Variants in LCK observed in about 807,000 individuals in gnomAD.
LCK encodes LCK proto-oncogene, Src family tyrosine kinase.
In LCK, 14 loss-of-function variants were observed where a neutral mutation model predicts 64.6. The ratio of observed to expected loss-of-function variants is 0.22; its 90% CI spans 0.14 to 0.34. LCK has a LOEUF of 0.34. LCK is among the 10% of genes least tolerant of loss of function. LCK has a pLI of 1.00. For missense variants in LCK, 434 were observed against 668.1 expected (o/e 0.65, Z 3.86); for synonymous variants, 277 against 263.6 (o/e 1.05, Z -0.49).
intron 1 of LCK, among the ~76,000 whole-genome samples, chr1:32,270,792 C>T (rs1206190622): frequency 6.7e-6 from 1 of 148,590 alleles, no homozygotes; most frequent in Non-Finnish European, 1.5e-5. Flanking sequence ...CAACCTCTAC[C>T]TCCTGGGTTT....
chr1:32,276,868 C>G lies in LCK; in HGVS notation c.964+82C>G. Reference sequence around the variant, plus strand: ...AGAGGGTGGAAATACACCTTTTCTTCTGGCCCAAAGCTCAAGCAAGGAGGG... The same window carrying G: ...AGAGGGTGGAAATACACCTTTTCTTGTGGCCCAAAGCTCAAGCAAGGAGGG... On this transcript the variant is annotated intron_variant, in intron 9 of 12. Coordinates refer to ENST00000336890, the MANE Select transcript of LCK (RefSeq NM_005356.5). The surrounding 1 kb of genome is among the most constrained non-coding windows in gnomAD (Gnocchi z 4.6). 1 of 1,356,546 alleles carries G rather than the reference C, an allele frequency of 7.4e-7. No homozygotes were observed. Among genetic ancestry groups the G allele is most frequent in the Non-Finnish European group, 9.8e-7 (1 of 1,018,718 alleles). 84.0% of individuals were successfully genotyped at this position (1,356,546 alleles called of 1,614,324 possible).
chr1:32,267,101 C>T (rs1417068867), intron 1 of LCK, among the ~76,000 whole-genome samples: 1 of 151,632 alleles, frequency 6.6e-6, no homozygotes, highest in African/African-American at 2.4e-5. Context: ...CTCAGCTTAT[C>T]TGAGACCAGT....
rs897667168 is a variant in LCK at position 32,263,680 on chromosome 1, G to A, written c.-5-10645G>A. ...TAATCCCAGCACTTTGGGAGGCCAA[G>A]GTGGCAGGTTACTTGAGCCCAGGAG... On this transcript the variant is annotated intron_variant, in intron 1 of 12. Coordinates refer to ENST00000336890, the MANE Select transcript of LCK (RefSeq NM_005356.5). Among the ~76,000 whole-genome samples, 6 of 152,178 alleles carry A rather than the reference G, an allele frequency of 3.9e-5. No homozygotes were observed. The East Asian group carries it at 1.2e-3, about 29-fold the overall frequency.
intron 12 of LCK, among the ~76,000 whole-genome samples, chr1:32,282,312 C>T (rs993510311): frequency 6.6e-6 from 1 of 152,126 alleles, no homozygotes; most frequent in African/African-American, 2.4e-5. Context: ...TGGCAACTGA[C>T]ATATAGCATT....
chr1:32,266,908 T>G (rs1423874211), intron 1 of LCK, among the ~76,000 whole-genome samples: 1 of 143,914 alleles, frequency 6.9e-6, no homozygotes, highest in African/African-American at 2.6e-5. Flanking sequence ...CTCAAACTTC[T>G]ACAATCTTTC....
At chr1:32,255,179 G>T (rs1302194835) in intron 1 of LCK, among the ~76,000 whole-genome samples, 2 of 152,056 alleles carry the variant, frequency 1.3e-5, no homozygotes, top group Non-Finnish European at 2.9e-5. Context: ...TCTGCAGGCT[G>T]GCAGACCGGG....
At chr1:32,284,894 G>C (rs1640568650) in intron 12 of LCK, among the ~76,000 whole-genome samples, 1 of 152,174 alleles carries the variant, frequency 6.6e-6, no homozygotes, top group Non-Finnish European at 1.5e-5. Flanking sequence ...TGAGGTGAAA[G>C]GATCACTTGA....
chr1:32,275,128 G>C lies in LCK; in HGVS notation c.278+45G>C. 1.9e-6 allele frequency: 3 copies of C among 1,556,816 alleles called. No homozygotes were observed. Among genetic ancestry groups the C allele is most frequent in the South Asian group, 1.2e-5 (1 of 86,690 alleles). On this transcript the variant is annotated intron_variant, in intron 4 of 12. Transcript: ENST00000336890. The surrounding 1 kb of genome is among the most constrained non-coding windows in gnomAD (Gnocchi z 6.9). ...GCTCTGGCGGAGTCCGTGAGGGAGCGGCGATCTCCGCGACCCGCAGCCCTC... is the reference window on the plus strand; with the variant it reads ...GCTCTGGCGGAGTCCGTGAGGGAGCCGCGATCTCCGCGACCCGCAGCCCTC...
chr1:32,260,525 T>C (rs749018234), intron 1 of LCK, among the ~76,000 whole-genome samples: 1 of 152,194 alleles, frequency 6.6e-6, no homozygotes, highest in Non-Finnish European at 1.5e-5. Flanking sequence ...TTCTTTTTTC[T>C]TTTTTACTTT....
chr1:32,273,301 T>C (rs1640162181), intron 1 of LCK, among the ~76,000 whole-genome samples: 1 of 148,060 alleles, frequency 6.8e-6, no homozygotes, highest in Non-Finnish European at 1.5e-5. Context: ...TATGTGAAAG[T>C]GTGTGTGTGT....
At chr1:32,257,958 C>T (rs952199382) in intron 1 of LCK, among the ~76,000 whole-genome samples, 85 of 150,594 alleles carry the variant, frequency 5.6e-4, no homozygotes, top group African/African-American at 1.8e-3. Context: ...TTTTTGTTCT[C>T]TCTGTGTCGA....
rs1569955125 is a variant in LCK, at chr1:32,275,803, C to T, written c.482-111C>T. ...ACGCGGGATGAGCCCGAGGTGGGGG[C>T]GCGGGATGACCCGGAGTTGGGGGTG... On this transcript the variant is annotated intron_variant, in intron 6 of 12. Coordinates refer to ENST00000336890, the MANE Select transcript of LCK (RefSeq NM_005356.5). The surrounding 1 kb of genome is among the most constrained non-coding windows in gnomAD (Gnocchi z 6.9). 1.4e-6 allele frequency: 2 copies of T among 1,404,506 alleles called. No homozygotes were observed. The highest frequency in any genetic ancestry group is 2.4e-5 in the East Asian group (1 of 41,506). The allele number at this position is 1,404,506 out of a possible 1,614,324, so 87.0% of individuals were successfully genotyped here.
At chr1:32,256,834 A>G (rs1291464992) in intron 1 of LCK, among the ~76,000 whole-genome samples, 1 of 152,196 alleles carries the variant, frequency 6.6e-6, no homozygotes, top group South Asian at 2.1e-4. Flanking sequence ...ATAATGGATG[A>G]CCATTTACGA....
At position 32,280,072 on chromosome 1, in the gene LCK, T is replaced by C. The variant is rs1428904653; in HGVS notation, c.1196-7T>C. 5 of 1,614,100 alleles carry C rather than the reference T, an allele frequency of 3.1e-6. No individual in the cohort carries two copies. Among genetic ancestry groups the C allele is most frequent in the Middle Eastern group, 1.6e-4 (1 of 6,062 alleles). ...ACCCAGGTGACCTCACTCTGCCTCCTCCTTAGGGGCCAAGTTTCCCATTAA... is the reference window on the plus strand; with the variant it reads ...ACCCAGGTGACCTCACTCTGCCTCCCCCTTAGGGGCCAAGTTTCCCATTAA... On this transcript the variant is annotated splice_polypyrimidine_tract_variant and splice_region_variant and intron_variant, in intron 11 of 12. Transcript: ENST00000336890.
At chr1:32,280,899 G>A (rs954837572) in intron 12 of LCK, among the ~76,000 whole-genome samples, 1 of 152,200 alleles carries the variant, frequency 6.6e-6, no homozygotes, top group East Asian at 1.9e-4. Flanking sequence ...ACTGTAACTA[G>A]TGAAGCTAGT....
rs1019637222 is a variant in LCK, at chr1:32,251,564, G to A, written c.-6+193G>A. Among the ~76,000 whole-genome samples the A allele has an allele frequency of 7.2e-5, 11 of 152,166 alleles. No homozygotes were observed. Among genetic ancestry groups the A allele is most frequent in the South Asian group, 4.1e-4 (2 of 4,832 alleles). ...GCCTCTTTCCTGCGAAGCTGGTGTC[G>A]CTTGCCTCTGTCGTGCTGTCCACCA... On this transcript the variant is annotated intron_variant, in intron 1 of 12. Transcript: ENST00000336890. The surrounding 1 kb of genome is among the most constrained non-coding windows in gnomAD (Gnocchi z 4.0).
intron 1 of LCK, among the ~76,000 whole-genome samples, chr1:32,262,829 A>C (rs1008264397): frequency 6.6e-6 from 1 of 150,830 alleles, no homozygotes; most frequent in African/African-American, 2.5e-5. Flanking sequence ...GCTTAATATA[A>C]ATTTCTCATT....
At chr1:32,285,084 C>A (rs1479064231) in intron 12 of LCK, among the ~76,000 whole-genome samples, 1 of 151,970 alleles carries the variant, frequency 6.6e-6, no homozygotes, top group East Asian at 1.9e-4. Context: ...GGGCGGATCA[C>A]CTGAGGTCAG....
At chr1:32,260,135 C>T (rs1313323497) in intron 1 of LCK, among the ~76,000 whole-genome samples, 1 of 151,804 alleles carries the variant, frequency 6.6e-6, no homozygotes, top group Non-Finnish European at 1.5e-5. Context: ...CCTCAGCCTT[C>T]CGAGTAGCTG....
Sources: allele counts gnomAD v4.1 joint callset (sites outside exome capture counted in the v4.1 genomes callset), GRCh38; gene constraint gnomAD v4.1.1; non-coding constraint Gnocchi (gnomAD v3.1); transcripts MANE v1.5; gene names NCBI Gene and HGNC (gene_info 2026-07-23, HGNC 2026-07-21).